Variants in ZC3H3 observed in about 807,000 individuals in gnomAD.
ZC3H3 encodes zinc finger CCCH-type containing 3.
Under a neutral mutation model 77.3 loss-of-function variants are expected in ZC3H3, and 36 were observed. The ratio of observed to expected loss-of-function variants is 0.47; its 90% confidence interval spans 0.36 to 0.61. ZC3H3 has a LOEUF of 0.61. Among genes scored for constraint, ZC3H3 ranks in the 20% least tolerant of loss-of-function variants. ZC3H3 has a pLI of 0.00. For missense variants in ZC3H3, 1,331 were observed against 1,312.2 expected, an observed-to-expected ratio of 1.01 and a Z score of -0.22; for synonymous variants, 626 against 555.2, an observed-to-expected ratio of 1.13 and a Z score of -1.79.
chr8:143,484,854 C>T, intron 4 of ZC3H3: 1 of 455,286 alleles, frequency 2.2e-6, no homozygotes, highest in Non-Finnish European at 4.4e-6. Context: ...TGGGACAGCC[C>T]CTCCGAAGAC....
intron 4 of ZC3H3, among the ~76,000 whole-genome samples, chr8:143,498,070 G>A (rs1821403672): frequency 6.6e-6 from 1 of 152,254 alleles, no homozygotes; most frequent in Admixed American, 6.5e-5. Flanking sequence ...TGCAAGTGAA[G>A]GAGCCAAGGA....
chr8:143,444,609 G>A (rs1819821272), intron 9 of ZC3H3, among the ~76,000 whole-genome samples: 1 of 152,182 alleles, frequency 6.6e-6, no homozygotes, highest in Non-Finnish European at 1.5e-5. Context: ...GGTTAAAAGA[G>A]AAGAATCATA....
At chr8:143,468,680 G>A in intron 5 of ZC3H3, 21 bp from the exon 6 acceptor site, 1 of 1,544,926 alleles carries the variant, frequency 6.5e-7, no homozygotes, top group Non-Finnish European at 8.7e-7. Flanking sequence ...GAGAGGCACG[G>A]GTCATAGCAG....
At chr8:143,471,072 A>G (rs950699891) in intron 5 of ZC3H3, among the ~76,000 whole-genome samples, 1 of 152,214 alleles carries the variant, frequency 6.6e-6, no homozygotes, top group Non-Finnish European at 1.5e-5. Flanking sequence ...CAGCACCTCC[A>G]GGCCCTGCTC....
intron 4 of ZC3H3, among the ~76,000 whole-genome samples, 196 bp downstream of exon 4, chr8:143,507,550 C>G (rs926352376): frequency 1.3e-5 from 2 of 152,288 alleles, no homozygotes; most frequent in African/African-American, 4.8e-5. Context: ...TAAACACAAG[C>G]TGGCCTCCTA....
Position 143,525,510 on chromosome 8 carries a change from G to A in ZC3H3, c.1561+10747C>T, listed in dbSNP as rs142573129. On this transcript the variant is annotated intron_variant, in intron 3 of 11. Transcript: ENST00000262577. Reference sequence around the variant, plus strand: ...CCAAGGGACCCCACAGCACGAAAGGGAGAGGTCTCAGCTGGGAGCCGAGAG... The same window carrying A: ...CCAAGGGACCCCACAGCACGAAAGGAAGAGGTCTCAGCTGGGAGCCGAGAG... Among the ~76,000 whole-genome samples the A allele has an allele frequency of 1.0e-2, 1,521 of 152,338 alleles. 22 individuals carry two copies. Among genetic ancestry groups the A allele is most frequent in the African/African-American group, 0.034 (1,399 of 41,572 alleles).
chr8:143,450,995 T>A (rs1187740070), intron 9 of ZC3H3, among the ~76,000 whole-genome samples: 1 of 151,938 alleles, frequency 6.6e-6, no homozygotes, highest in African/African-American at 2.4e-5. Context: ...TTAAACACAG[T>A]AAGTGACTGG....
At chr8:143,479,821 G>A (rs454115) in intron 4 of ZC3H3, among the ~76,000 whole-genome samples, 1 of 152,198 alleles carries the variant, frequency 6.6e-6, no homozygotes, top group Non-Finnish European at 1.5e-5. Context: ...AGGCCAGGAG[G>A]GGGAGATAAC....
chr8:143,534,279 TAAA>T (rs551776128), intron 3 of ZC3H3, among the ~76,000 whole-genome samples: 4 of 123,486 alleles, frequency 3.2e-5, no homozygotes, highest in African/African-American at 1.2e-4. Context: ...CTAAAAACAT[TAAA>T]AAAAAAAAAA....
intron 4 of ZC3H3, among the ~76,000 whole-genome samples, chr8:143,479,412 G>A (rs531575264): frequency 3.9e-4 from 60 of 152,326 alleles, no homozygotes; most frequent in Middle Eastern, 6.8e-3. Flanking sequence ...GACCCGGAGC[G>A]CGCGTCTGCC....
At chr8:143,453,030 T>G (rs571152984) in intron 9 of ZC3H3, among the ~76,000 whole-genome samples, 1 of 152,224 alleles carries the variant, frequency 6.6e-6, no homozygotes, top group Admixed American at 6.5e-5. Context: ...CTACCCCAGA[T>G]GTCAGACAGT....
At position 143,451,162 on chromosome 8, in the gene ZC3H3, G is replaced by A. The variant is rs74782724; in HGVS notation, c.2308-10042C>T. ...GCCAGAACCCAAAACCTACAGACAC[G>A]GGAACAGGTGCTCCCAGAGCAGAAG... On this transcript the variant is annotated intron_variant, in intron 9 of 11. Coordinates refer to ENST00000262577, the MANE Select transcript of ZC3H3 (RefSeq NM_015117.3). Among the ~76,000 whole-genome samples the A allele has an allele frequency of 7.5e-3, 1,146 of 152,190 alleles. 11 individuals carry two copies. Among genetic ancestry groups the A allele is most frequent in the African/African-American group, 0.024 (987 of 41,508 alleles).
rs532648542 is a variant in ZC3H3 at position 143,531,088 on chromosome 8, T to C, written c.1561+5169A>G. Among the ~76,000 whole-genome samples, 9 of 151,458 alleles carry C rather than the reference T, an allele frequency of 5.9e-5. No individual in the cohort carries two copies. In the East Asian group the frequency reaches 1.7e-3, roughly 29 times the overall value. ...AATCCTCTCACCCCAGCCTCCCGAG[T>C]AGCTGGGACTACAGGCGTGTGCCAC... is the stretch of plus-strand genomic sequence containing the variant. On this transcript the variant is annotated intron_variant, in intron 3 of 11. Coordinates refer to ENST00000262577, the MANE Select transcript of ZC3H3 (RefSeq NM_015117.3).
intron 5 of ZC3H3, among the ~76,000 whole-genome samples, chr8:143,470,741 G>A (rs191571793): frequency 2.0e-5 from 3 of 152,340 alleles, no homozygotes; most frequent in East Asian, 1.9e-4. Context: ...TGAGGCTCAC[G>A]GCAGGAGTTC....
chr8:143,489,028 C>CCAGT (rs1445488692), intron 4 of ZC3H3, among the ~76,000 whole-genome samples: 4 of 152,208 alleles, frequency 2.6e-5, no homozygotes, highest in Non-Finnish European at 4.4e-5. Flanking sequence ...GTCCCCCAAG[C>CCAGT]CAGTGGCAGC....
chr8:143,480,275 C>T (rs887420387), intron 4 of ZC3H3, among the ~76,000 whole-genome samples: 2 of 152,172 alleles, frequency 1.3e-5, no homozygotes, highest in African/African-American at 2.4e-5. Flanking sequence ...CAAGGCATGC[C>T]CACGCACAGC....
chr8:143,477,145 T>C (rs1820758181), intron 4 of ZC3H3, among the ~76,000 whole-genome samples: 2 of 152,110 alleles, frequency 1.3e-5, no homozygotes. Flanking sequence ...CAAGCTGGGG[T>C]AATTCTCAGC....
chr8:143,485,879 G>A (rs575062139), intron 4 of ZC3H3, among the ~76,000 whole-genome samples: 4 of 152,258 alleles, frequency 2.6e-5, no homozygotes, highest in African/African-American at 4.8e-5. Flanking sequence ...GCCAGCCAGC[G>A]GGATGGGCGT....
rs1222742457 is a variant in ZC3H3, at chr8:143,493,061, C to T, written c.1715+14685G>A. Among the ~76,000 whole-genome samples, 2 of 23,504 alleles carry T rather than the reference C, an allele frequency of 8.5e-5. No individual in the cohort carries two copies. The allele number at this position is 23,504 out of a possible 152,430, so 15.4% of individuals were successfully genotyped here. A position where few individuals can be genotyped will look rare whatever the true frequency, so the allele number is the denominator to read the frequency against. On this transcript the variant is annotated intron_variant, in intron 4 of 11. Coordinates refer to ENST00000262577, the MANE Select transcript of ZC3H3 (RefSeq NM_015117.3). The surrounding 1 kb of genome is among the most constrained non-coding windows in gnomAD (Gnocchi z 4.8). Reference sequence around the variant, plus strand: ...CCCAGGGGCTCCCTCCTCAGGGTCCCGTGTCCTGGCCCAGGGGCTCACTCC... The same window carrying T: ...CCCAGGGGCTCCCTCCTCAGGGTCCTGTGTCCTGGCCCAGGGGCTCACTCC...
Sources: gnomAD v4.1 joint callset for allele counts (sites outside exome capture counted in the v4.1 genomes callset) on GRCh38, gnomAD v4.1.1 for gene constraint, Gnocchi (gnomAD v3.1) non-coding constraint, MANE v1.5 for transcripts, NCBI Gene and HGNC (gene_info 2026-07-23, HGNC 2026-07-21) for gene names.